The following NOL4 variants were observed in gnomAD, a reference collection of about 807,000 sequenced individuals.
The protein encoded by NOL4 is nucleolar protein 4, also known as cancer/testis antigen 125.
NOL4 carries 17 observed loss-of-function variants against 75.9 expected under a neutral mutation model. That is an observed-to-expected ratio of 0.22 (90% CI 0.15 to 0.34). The LOEUF is 0.34. Among genes scored for constraint, NOL4 ranks in the 10% least tolerant of loss-of-function variants. NOL4 has a pLI of 1.00. For missense variants in NOL4, 614 were observed against 793.5 expected (o/e 0.77, Z 2.72); for synonymous variants, 292 against 289.9 (o/e 1.01, Z -0.07).
chr18:33,928,817 A>G (rs990090957), intron 9 of NOL4, among the ~76,000 whole-genome samples: 8 of 151,948 alleles, frequency 5.3e-5, no homozygotes, highest in African/African-American at 1.9e-4. Flanking sequence ...CTAAAATTAT[A>G]GTTCGTTAAA....
intron 10 of NOL4, among the ~76,000 whole-genome samples, chr18:33,856,087 T>C (rs1323810568): frequency 6.6e-6 from 1 of 152,066 alleles, no homozygotes; most frequent in Non-Finnish European, 1.5e-5. Context: ...GCACGCTTTG[T>C]GTCTCATTTA....
At chr18:34,103,666 G>T (rs1195437458) in intron 4 of NOL4, among the ~76,000 whole-genome samples, 1 of 152,036 alleles carries the variant, frequency 6.6e-6, no homozygotes, top group African/African-American at 2.4e-5. Flanking sequence ...CTACTTTTCT[G>T]ATTGCCATGC....
chr18:34,173,448 T>G (rs1240123555), intron 1 of NOL4, among the ~76,000 whole-genome samples: 1 of 152,116 alleles, frequency 6.6e-6, no homozygotes, highest in Non-Finnish European at 1.5e-5. Context: ...TATGTTAACT[T>G]GACTATACAC....
chr18:34,045,287 C>A (rs1266210914), intron 5 of NOL4, among the ~76,000 whole-genome samples: 1 of 152,112 alleles, frequency 6.6e-6, no homozygotes, highest in Non-Finnish European at 1.5e-5. Context: ...CCTATGATTT[C>A]TTTCCCATTT....
intron 5 of NOL4, among the ~76,000 whole-genome samples, chr18:34,070,795 G>T (rs1031175910): frequency 6.6e-6 from 1 of 151,938 alleles, no homozygotes; most frequent in Non-Finnish European, 1.5e-5. Context: ...AAATACATAG[G>T]TATATATAAA....
At chr18:34,204,960 A>C (rs1394752581) in intron 1 of NOL4, among the ~76,000 whole-genome samples, 1 of 152,152 alleles carries the variant, frequency 6.6e-6, no homozygotes, top group Non-Finnish European at 1.5e-5. Context: ...ATTGAGAAAA[A>C]TGTTGAAGTG....
At chr18:34,059,094 CAT>C (rs1390548887) in intron 5 of NOL4, among the ~76,000 whole-genome samples, 1 of 140,286 alleles carries the variant, frequency 7.1e-6, no homozygotes, top group African/African-American at 2.6e-5. Flanking sequence ...AAAAATCACA[CAT>C]ATATATAGAG....
chr18:33,857,601 T>A (rs978717379), intron 10 of NOL4, among the ~76,000 whole-genome samples: 1 of 151,964 alleles, frequency 6.6e-6, no homozygotes, highest in East Asian at 1.9e-4. Context: ...GGAAAAAAAA[T>A]TGTAATAAAA....
At chr18:34,078,086 C>T (rs2145354980) in intron 5 of NOL4, among the ~76,000 whole-genome samples, 1 of 152,218 alleles carries the variant, frequency 6.6e-6, no homozygotes, top group African/African-American at 2.4e-5. Flanking sequence ...CTGTATGTTA[C>T]TTTCTCTCAT....
At chr18:34,067,775 G>A (rs974247367) in intron 5 of NOL4, among the ~76,000 whole-genome samples, 2 of 152,098 alleles carry the variant, frequency 1.3e-5, no homozygotes, top group African/African-American at 4.8e-5. Context: ...TTTATTTAGT[G>A]AAAGAGATAA....
At chr18:34,183,366 A>G (rs2034198571) in intron 1 of NOL4, among the ~76,000 whole-genome samples, 1 of 151,850 alleles carries the variant, frequency 6.6e-6, no homozygotes, top group South Asian at 2.1e-4. Context: ...ATTATAATGG[A>G]GGATTAAAAA....
At chr18:34,048,940 C>T (rs2076505161) in intron 5 of NOL4, among the ~76,000 whole-genome samples, 1 of 151,946 alleles carries the variant, frequency 6.6e-6, no homozygotes, top group South Asian at 2.1e-4. Context: ...AAATTAAAAG[C>T]ATTTTGCTTA....
chr18:33,891,942 G>A (rs1210935980), intron 9 of NOL4, among the ~76,000 whole-genome samples: 1 of 152,126 alleles, frequency 6.6e-6, no homozygotes, highest in Non-Finnish European at 1.5e-5. Context: ...TCCACAATAT[G>A]TTGAGAAATA....
chr18:34,100,265 A>G (rs375264707), intron 4 of NOL4, among the ~76,000 whole-genome samples: 1 of 152,128 alleles, frequency 6.6e-6, no homozygotes, highest in Non-Finnish European at 1.5e-5. Flanking sequence ...CCTCTGCTAC[A>G]TGAATCTCAT....
chr18:34,053,462 A>G (rs2076707747), intron 5 of NOL4, among the ~76,000 whole-genome samples: 1 of 151,990 alleles, frequency 6.6e-6, no homozygotes, highest in African/African-American at 2.4e-5. Flanking sequence ...CATATGGAGA[A>G]AAAAGCTTAT....
chr18:34,043,936 C>T (rs971667621), intron 5 of NOL4, among the ~76,000 whole-genome samples: 1 of 152,030 alleles, frequency 6.6e-6, no homozygotes, highest in African/African-American at 2.4e-5. Flanking sequence ...CCAGAATTAG[C>T]TTAGGGGTCT....
chr18:34,079,675 C>T (rs1360222483), intron 5 of NOL4, among the ~76,000 whole-genome samples: 1 of 152,030 alleles, frequency 6.6e-6, no homozygotes, highest in African/African-American at 2.4e-5. Context: ...CTCTTTCCCA[C>T]ACACATATGA....
At chr18:34,153,938 A>G (rs2029877030) in intron 1 of NOL4, among the ~76,000 whole-genome samples, 1 of 152,002 alleles carries the variant, frequency 6.6e-6, no homozygotes, top group South Asian at 2.1e-4. Context: ...TACTTCTGCT[A>G]TGAATAACTG....
intron 9 of NOL4, among the ~76,000 whole-genome samples, chr18:33,898,412 T>C (rs2065547686): frequency 6.6e-6 from 1 of 152,146 alleles, no homozygotes; most frequent in African/African-American, 2.4e-5. Context: ...TGTCTATTTT[T>C]CAGTTTAAAT....
Sources: allele counts gnomAD v4.1 joint callset (sites outside exome capture counted in the v4.1 genomes callset), GRCh38; gene constraint gnomAD v4.1.1; transcripts MANE v1.5; gene names NCBI Gene and HGNC (gene_info 2026-07-23, HGNC 2026-07-21).